COL19A1: variants seen among roughly 807,000 people sequenced by gnomAD.
The protein encoded by COL19A1 is collagen alpha-1(XIX) chain.
In COL19A1, 159 loss-of-function variants were observed where a neutral mutation model predicts 190.2. The observed-to-expected ratio is 0.84, with a 90% CI of 0.73 to 0.95. The LOEUF (loss-of-function observed/expected upper bound fraction) is 0.95, where lower values mean the gene tolerates loss of function less well. Ranked by LOEUF, COL19A1 falls within the 40% of genes least tolerant of loss-of-function variation. The pLI is 0.00. For missense variants in COL19A1, 1,418 were observed against 1,431.9 expected (o/e 0.99, Z 0.16); for synonymous variants, 509 against 458.9 (o/e 1.11, Z -1.39).
In COL19A1 at chr6:69,948,197, G is replaced by A. The variant is rs189888624; in HGVS notation, c.936+10097G>A. On this transcript the variant is annotated intron_variant, in intron 9 of 50. Transcript: ENST00000620364. ...AGTTTTTGAATTATTCTGAACATGGGAATCTTTTTTAAAACATTTGCAGAA... is the reference window on the plus strand; with the variant it reads ...AGTTTTTGAATTATTCTGAACATGGAAATCTTTTTTAAAACATTTGCAGAA... Among the ~76,000 whole-genome samples the A allele has an allele frequency of 1.2e-3, 177 of 151,848 alleles. 2 individuals are homozygous for A. The highest frequency in any genetic ancestry group is 4.2e-3 in the African/African-American group (173 of 41,496).
intron 11 of COL19A1, among the ~76,000 whole-genome samples, chr6:69,976,046 G>T (rs2150059938): frequency 6.6e-6 from 1 of 152,198 alleles, no homozygotes; most frequent in Non-Finnish European, 1.5e-5. Context: ...AAACCAATTT[G>T]TTTAATAATT....
intron 16 of COL19A1, among the ~76,000 whole-genome samples, chr6:70,120,844 C>A (rs1429012926): frequency 6.6e-6 from 1 of 152,160 alleles, no homozygotes. Context: ...TAAATGTTAA[C>A]CAACATTAAT....
chr6:70,089,243 A>G (rs921993715), intron 15 of COL19A1, among the ~76,000 whole-genome samples: 1 of 152,180 alleles, frequency 6.6e-6, no homozygotes, highest in African/African-American at 2.4e-5. Flanking sequence ...ACTTAAATGT[A>G]TAGTTTTTTC....
At chr6:70,099,008 G>A (rs58008450) in intron 15 of COL19A1, among the ~76,000 whole-genome samples, 1 of 134,868 alleles carries the variant, frequency 7.4e-6, no homozygotes, top group African/African-American at 2.8e-5. Context: ...AATCACTTCA[G>A]TCCAGGAGTT....
At chr6:69,889,156 G>A (rs1769153141) in intron 2 of COL19A1, among the ~76,000 whole-genome samples, 1 of 152,140 alleles carries the variant, frequency 6.6e-6, no homozygotes, top group African/African-American at 2.4e-5. Flanking sequence ...ACTGCCATGA[G>A]CTTTGTCACT....
chr6:70,188,249 A>G lies in COL19A1; in HGVS notation c.3027+4A>G, dbSNP rs115150250. On this transcript the variant is annotated splice_donor_region_variant and intron_variant, in intron 47 of 50. Transcript: ENST00000620364. ...TCCAGGCATCCCTGGCATTCCGGTA[A>G]GTAGTGCTAAGACGCTTTAGGGCTC... The G allele has an allele frequency of 4.2e-4, 679 of 1,605,804 alleles. 1 individual carries two copies. The African/African-American group carries it at 8.4e-3, about 20-fold the overall frequency.
At chr6:70,191,229 T>G (rs1165451456) in intron 48 of COL19A1, among the ~76,000 whole-genome samples, 3 of 152,162 alleles carry the variant, frequency 2.0e-5, no homozygotes, top group Non-Finnish European at 4.4e-5. Flanking sequence ...TCATTACGAG[T>G]TTTCAGTTAA....
At chr6:70,020,921 A>G (rs1778380368) in intron 11 of COL19A1, among the ~76,000 whole-genome samples, 1 of 152,164 alleles carries the variant, frequency 6.6e-6, no homozygotes, top group Non-Finnish European at 1.5e-5. Flanking sequence ...ACATACCAAT[A>G]GTAATATTTT....
chr6:70,150,179 A>G (rs1786959762), intron 30 of COL19A1, 134 bp downstream of exon 30: 4 of 912,430 alleles, frequency 4.4e-6, no homozygotes, highest in Non-Finnish European at 6.9e-6. Context: ...TATCCCCATT[A>G]TTTTGTCGAG....
At chr6:70,185,911 C>T (rs1355699684) in intron 46 of COL19A1, among the ~76,000 whole-genome samples, 1 of 152,078 alleles carries the variant, frequency 6.6e-6, no homozygotes, top group African/African-American at 2.4e-5. Context: ...GGAAATAAAT[C>T]TACCTTACCC....
chr6:69,927,152 A>C lies in COL19A1; in HGVS notation c.267-757A>C, dbSNP rs952404310. ...ATGAAAGGAAACTAGACAGTAACTC[A>C]AATCCAAACAATGACATAAAAAGCA... is the stretch of plus-strand genomic sequence containing the variant. On this transcript the variant is annotated intron_variant, in intron 4 of 50. Transcript: ENST00000620364. 1.2e-4 allele frequency among the ~76,000 whole-genome samples: 19 copies of C among 152,306 alleles called. 1 individual carries two copies. The South Asian group carries it at 3.5e-3, about 28-fold the overall frequency.
rs771051227 is a variant in COL19A1, at chr6:70,142,801, G to C, written c.1607G>C (p.Arg536Thr). 1.2e-6 allele frequency: 2 copies of C among 1,612,580 alleles called. No homozygotes were observed. The highest frequency in any genetic ancestry group is 3.3e-5 in the Admixed American group (2 of 59,892). ...QQGSAGSMGP[R>T]GPPGDVGLPG... is the part of the protein sequence containing the mutation. ...GGATCTGCAGGCTCCATGGGACCCAGAGGACCGCCAGGAGATGTTGTATGT... is the reference window on the plus strand; with the variant it reads ...GGATCTGCAGGCTCCATGGGACCCACAGGACCGCCAGGAGATGTTGTATGT... The change falls in exon 23 of 51, where the codon AGA becomes ACA. Residue 536 changes from arginine (R) to threonine (T), a missense_variant. By Grantham distance (71) the Arg-to-Thr change is moderately conservative. Transcript: ENST00000620364.
At chr6:69,903,740 A>G (rs1444126263) in intron 4 of COL19A1, among the ~76,000 whole-genome samples, 1 of 152,170 alleles carries the variant, frequency 6.6e-6, no homozygotes, top group Non-Finnish European at 1.5e-5. Flanking sequence ...AACTGAAACT[A>G]TCTGTGGTCA....
chr6:70,093,026 T>A (rs1020385969), intron 15 of COL19A1, among the ~76,000 whole-genome samples: 2 of 152,170 alleles, frequency 1.3e-5, no homozygotes, highest in Non-Finnish European at 2.9e-5. Context: ...GCATTATTTG[T>A]CCCTCTGCAT....
chr6:70,078,700 C>G (rs1782044869), intron 15 of COL19A1, among the ~76,000 whole-genome samples: 1 of 152,172 alleles, frequency 6.6e-6, no homozygotes, highest in African/African-American at 2.4e-5. Flanking sequence ...CAATCCTTAA[C>G]ATCACTGACA....
chr6:70,077,063 T>G (rs1291654215), intron 15 of COL19A1, among the ~76,000 whole-genome samples: 1 of 152,168 alleles, frequency 6.6e-6, no homozygotes, highest in East Asian at 1.9e-4. Flanking sequence ...TGCAAAACAT[T>G]CGGAGCATGA....
At chr6:69,968,390 G>T (rs116492418) in intron 11 of COL19A1, among the ~76,000 whole-genome samples, 1,564 of 152,158 alleles carry the variant, frequency 0.01, 32 homozygotes, top group African/African-American at 0.035. Context: ...TCATAAGCTT[G>T]TTGGATAATT....
intron 36 of COL19A1, among the ~76,000 whole-genome samples, chr6:70,164,473 A>G (rs1414190270): frequency 2.0e-5 from 3 of 152,136 alleles, no homozygotes; most frequent in African/African-American, 7.2e-5. Flanking sequence ...ATCCCAACAC[A>G]TTTTGAAGGA....
At chr6:69,961,889 C>A (rs909669711) in intron 10 of COL19A1, among the ~76,000 whole-genome samples, 4 of 152,072 alleles carry the variant, frequency 2.6e-5, no homozygotes, top group African/African-American at 9.7e-5. Flanking sequence ...AGCTGGCATT[C>A]CCTTTCATAT....
Sources: gnomAD v4.1 joint callset for allele counts (sites outside exome capture counted in the v4.1 genomes callset) on GRCh38, gnomAD v4.1.1 for gene constraint, MANE v1.5 for transcripts, NCBI Gene and HGNC (gene_info 2026-07-23, HGNC 2026-07-21) for gene names.